The following PTPRD variants were observed in gnomAD, a reference collection of about 807,000 sequenced individuals.
PTPRD encodes protein tyrosine phosphatase receptor type D, also known as receptor-type tyrosine-protein phosphatase delta.
Under a neutral mutation model 214.5 loss-of-function variants are expected in PTPRD, and 34 were observed. The observed-to-expected ratio is 0.16, with a 90% CI of 0.12 to 0.21. The LOEUF is 0.21. Among genes scored for constraint, PTPRD ranks in the 10% least tolerant of loss-of-function variants. The pLI, the probability that PTPRD is intolerant of heterozygous loss-of-function variation, is 1.00. For missense variants in PTPRD, 2,545 were observed against 2,398.7 expected (o/e 1.06, Z -1.27); for synonymous variants, 1,128 against 845.7 (o/e 1.33, Z -5.79).
intron 14 of PTPRD, among the ~76,000 whole-genome samples, chr9:8,556,604 T>C (rs1368834850): frequency 6.6e-6 from 1 of 150,976 alleles, no homozygotes; most frequent in East Asian, 1.9e-4. Flanking sequence ...TTAATTAATA[T>C]AACCACACAT....
intron 3 of PTPRD, among the ~76,000 whole-genome samples, chr9:10,164,752 C>A (rs949267373): frequency 6.6e-6 from 1 of 151,322 alleles, no homozygotes; most frequent in African/African-American, 2.4e-5. Flanking sequence ...ACACATACAT[C>A]CAGGTTTGAT....
intron 11 of PTPRD, among the ~76,000 whole-genome samples, chr9:8,864,916 A>G (rs949440719): frequency 6.6e-6 from 1 of 152,178 alleles, no homozygotes; most frequent in African/African-American, 2.4e-5. Context: ...CTTGTCTTAC[A>G]CTTGTATTAA....
intron 39 of PTPRD, among the ~76,000 whole-genome samples, chr9:8,368,079 T>C (rs2080446745): frequency 6.6e-6 from 1 of 152,294 alleles, no homozygotes; most frequent in East Asian, 1.9e-4. Flanking sequence ...AGCAGCTCTA[T>C]GTGCTAGGAG....
Position 9,392,773 on chromosome 9 carries a change from G to A in PTPRD, c.-203+4676C>T, listed in dbSNP as rs114486784. 7.5e-3 allele frequency among the ~76,000 whole-genome samples: 1,142 copies of A among 152,278 alleles called. 16 individuals are homozygous for A. Among genetic ancestry groups the A allele is most frequent in the African/African-American group, 0.026 (1,080 of 41,564 alleles). ...AGCCCAGGTCAAATTTGTCTATGAT[G>A]TCTCTTCAACAATATTTTGTAGTCT... is the stretch of plus-strand genomic sequence containing the variant. On this transcript the variant is annotated intron_variant, in intron 9 of 45. Coordinates refer to ENST00000381196, the MANE Select transcript of PTPRD (RefSeq NM_002839.4).
intron 35 of PTPRD, among the ~76,000 whole-genome samples, chr9:8,416,938 G>C (rs1242151197): frequency 6.6e-6 from 1 of 151,968 alleles, no homozygotes; most frequent in African/African-American, 2.4e-5. Flanking sequence ...GAACTGGGAT[G>C]TAAATGCAGA....
intron 2 of PTPRD, among the ~76,000 whole-genome samples, chr9:10,379,254 G>T (rs937331613): frequency 5.8e-4 from 87 of 150,888 alleles, no homozygotes; most frequent in African/African-American, 1.8e-3. Flanking sequence ...TTTTTTGTGT[G>T]TGTGTGTGTG....
intron 11 of PTPRD, among the ~76,000 whole-genome samples, chr9:8,934,070 T>C (rs2098972336): frequency 6.6e-6 from 1 of 152,002 alleles, no homozygotes; most frequent in Non-Finnish European, 1.5e-5. Flanking sequence ...TTGGCCTCAG[T>C]CACCATCTAG....
chr9:9,143,836 C>T (rs919456462), intron 10 of PTPRD, among the ~76,000 whole-genome samples: 3 of 152,184 alleles, frequency 2.0e-5, no homozygotes, highest in Non-Finnish European at 4.4e-5. Flanking sequence ...ATAAAAACTA[C>T]TAACTTGGCC....
intron 11 of PTPRD, among the ~76,000 whole-genome samples, chr9:8,928,686 T>C (rs1988425): frequency 0.32 from 47,983 of 151,920 alleles, 7,745 homozygotes; most frequent in Middle Eastern, 0.36. Context: ...TCTTTTTTTG[T>C]TCCATATGAA....
At chr9:9,763,707 T>C (rs1023309596) in intron 6 of PTPRD, among the ~76,000 whole-genome samples, 14 of 152,326 alleles carry the variant, frequency 9.2e-5, no homozygotes, top group Non-Finnish European at 2.1e-4. Context: ...CACTTACTGC[T>C]ACTATCATTG....
chr9:10,188,746 A>C (rs73641872), intron 3 of PTPRD, among the ~76,000 whole-genome samples: 2,294 of 152,276 alleles, frequency 0.015, 57 homozygotes, highest in African/African-American at 0.053. Context: ...CATAAGATTC[A>C]CCAGAAGCAA....
In PTPRD at chr9:8,315,643, T is replaced by G; in HGVS notation, c.*2231A>C. 1 of 227,840 alleles carries G rather than the reference T, an allele frequency of 4.4e-6. No homozygotes were observed. Among genetic ancestry groups the G allele is most frequent in the Non-Finnish European group, 8.7e-6 (1 of 114,414 alleles). 14.1% of individuals were successfully genotyped at this position (227,840 alleles called of 1,614,324 possible). A position where few individuals can be genotyped will look rare whatever the true frequency, so the allele number is the denominator to read the frequency against. ...ACTTTTTTTTAGTATTATATATATT[T>G]TCTTTTTTTTCTTTTTCTTTGTTTT... On this transcript the variant is annotated 3_prime_UTR_variant, in exon 46 of 46. Transcript: ENST00000381196.
chr9:9,149,549 T>C (rs1025951786), intron 10 of PTPRD, among the ~76,000 whole-genome samples: 1 of 152,102 alleles, frequency 6.6e-6, no homozygotes, highest in African/African-American at 2.4e-5. Flanking sequence ...AGTTCACGGG[T>C]TCCCTGGCAA....
intron 3 of PTPRD, among the ~76,000 whole-genome samples, chr9:10,334,546 T>A (rs1597369186): frequency 6.7e-6 from 1 of 150,150 alleles, no homozygotes; most frequent in Admixed American, 6.7e-5. Context: ...TTTCAAACAA[T>A]ATACTGGAAA....
At chr9:9,781,590 C>T (rs1340747362) in intron 5 of PTPRD, among the ~76,000 whole-genome samples, 2 of 152,128 alleles carry the variant, frequency 1.3e-5, no homozygotes, top group Non-Finnish European at 2.9e-5. Flanking sequence ...GTCTGAAGCA[C>T]CAAGCACACT....
chr9:8,647,681 A>C (rs2096724458), intron 12 of PTPRD, among the ~76,000 whole-genome samples: 1 of 152,198 alleles, frequency 6.6e-6, no homozygotes, highest in South Asian at 2.1e-4. Context: ...GTATATTTTT[A>C]AGGCTTTTGA....
intron 12 of PTPRD, among the ~76,000 whole-genome samples, chr9:8,679,143 T>A (rs1046104305): frequency 2.0e-5 from 3 of 152,166 alleles, no homozygotes; most frequent in Non-Finnish European, 2.9e-5. Context: ...AAGGATTCCA[T>A]CTTTAGAGGC....
chr9:8,636,522 C>G (rs755296643), intron 13 of PTPRD, among the ~76,000 whole-genome samples, 177 bp downstream of exon 13: 1 of 152,098 alleles, frequency 6.6e-6, no homozygotes, highest in Admixed American at 6.6e-5. Flanking sequence ...GCCCTTGAAC[C>G]CCCAAATTTC....
intron 7 of PTPRD, among the ~76,000 whole-genome samples, chr9:9,679,114 A>C (rs556273986): frequency 1.0e-5 from 1 of 100,416 alleles, no homozygotes; most frequent in South Asian, 2.6e-4. Context: ...TTAGGTTGAA[A>C]AAGGGGGAAA....
Sources: gnomAD v4.1 joint callset for allele counts (sites outside exome capture counted in the v4.1 genomes callset) on GRCh38, gnomAD v4.1.1 for gene constraint, MANE v1.5 for transcripts, NCBI Gene and HGNC (gene_info 2026-07-23, HGNC 2026-07-21) for gene names.